Variants in IMMP2L observed in about 807,000 individuals in gnomAD.
The protein encoded by IMMP2L is inner mitochondrial membrane peptidase subunit 2, also known as mitochondrial inner membrane protease subunit 2.
A neutral mutation model predicts 19.3 loss-of-function variants in IMMP2L; 18 were observed. The ratio of observed to expected loss-of-function variants is 0.93; its 90% CI spans 0.64 to 1.38. The LOEUF is 1.38. Among genes scored for constraint, IMMP2L ranks in the 40% most tolerant of loss-of-function variants. IMMP2L has a pLI of 0.00. For missense variants in IMMP2L, 233 were observed against 218.2 expected (o/e 1.07, Z -0.43); for synonymous variants, 76 against 73.0 (o/e 1.04, Z -0.21).
chr7:111,221,455 T>C (rs1477847526), intron 3 of IMMP2L, among the ~76,000 whole-genome samples: 1 of 151,764 alleles, frequency 6.6e-6, no homozygotes, highest in African/African-American at 2.4e-5. Flanking sequence ...AAACAAAAAC[T>C]ACAGACTTCC....
chr7:111,221,218 C>T (rs949370437), intron 3 of IMMP2L, among the ~76,000 whole-genome samples: 2 of 151,934 alleles, frequency 1.3e-5, no homozygotes, highest in African/African-American at 4.8e-5. Context: ...ATTTTAGTCA[C>T]ATTACCATTA....
At chr7:110,805,067 T>C (rs1206756536) in intron 5 of IMMP2L, among the ~76,000 whole-genome samples, 1 of 152,136 alleles carries the variant, frequency 6.6e-6, no homozygotes, top group Non-Finnish European at 1.5e-5. Context: ...TTACCATAGA[T>C]GCTACATTGA....
chr7:110,986,335 C>T (rs1057005932), intron 3 of IMMP2L, among the ~76,000 whole-genome samples: 2 of 152,156 alleles, frequency 1.3e-5, no homozygotes, highest in Admixed American at 6.6e-5. Context: ...GTGTTGTTCT[C>T]AGCTCTCGTG....
chr7:110,784,756 A>G (rs1799957040), intron 5 of IMMP2L, among the ~76,000 whole-genome samples: 2 of 151,828 alleles, frequency 1.3e-5, no homozygotes, highest in Admixed American at 1.3e-4. Context: ...CCCACCCTGG[A>G]GATGTTTATG....
chr7:111,508,186 GA>G (rs1271610769), intron 2 of IMMP2L, among the ~76,000 whole-genome samples: 9 of 150,856 alleles, frequency 6.0e-5, no homozygotes, highest in South Asian at 4.2e-4. Flanking sequence ...TAAAAAGAAA[GA>G]AAAAAATTCA....
At chr7:110,873,429 C>CAA (rs60827428) in intron 5 of IMMP2L, among the ~76,000 whole-genome samples, 856 of 28,902 alleles carry the variant, frequency 0.03, 93 homozygotes, top group African/African-American at 0.073. Flanking sequence ...GACTCTATCT[C>CAA]AAAAAAAAAA....
intron 3 of IMMP2L, among the ~76,000 whole-genome samples, chr7:111,093,409 T>C (rs1240891571): frequency 6.6e-6 from 1 of 152,188 alleles, no homozygotes; most frequent in Non-Finnish European, 1.5e-5. Flanking sequence ...CCTAAGTTCC[T>C]AACCAAGAGG....
intron 3 of IMMP2L, among the ~76,000 whole-genome samples, chr7:111,272,766 C>G (rs189032885): frequency 1.3e-5 from 2 of 152,158 alleles, no homozygotes; most frequent in Non-Finnish European, 2.9e-5. Context: ...TTTCTTTGGG[C>G]CCACACACCT....
At chr7:110,862,256 C>T (rs1179492012) in intron 5 of IMMP2L, among the ~76,000 whole-genome samples, 2 of 150,516 alleles carry the variant, frequency 1.3e-5, no homozygotes, top group Non-Finnish European at 3.0e-5. Flanking sequence ...AGAAATGGGG[C>T]TGTGTTTTAT....
intron 4 of IMMP2L, among the ~76,000 whole-genome samples, chr7:110,946,449 T>A (rs59490815): frequency 0.03 from 4,530 of 152,242 alleles, 107 homozygotes; most frequent in South Asian, 0.059. Context: ...TAAAACCCAA[T>A]AGATTAATAT....
At chr7:111,186,367 C>T (rs986865660) in intron 3 of IMMP2L, among the ~76,000 whole-genome samples, 2 of 152,092 alleles carry the variant, frequency 1.3e-5, no homozygotes, top group African/African-American at 2.4e-5. Context: ...CTCTTTTCTG[C>T]CTAATATATG....
At chr7:110,827,574 G>A (rs972707007) in intron 5 of IMMP2L, among the ~76,000 whole-genome samples, 3 of 152,168 alleles carry the variant, frequency 2.0e-5, no homozygotes, top group Non-Finnish European at 4.4e-5. Flanking sequence ...GACCTATAGC[G>A]TTGTGTGACA....
chr7:110,849,858 T>G (rs1806021518), intron 5 of IMMP2L, among the ~76,000 whole-genome samples: 1 of 152,128 alleles, frequency 6.6e-6, no homozygotes, highest in Non-Finnish European at 1.5e-5. Context: ...AAGATCATTC[T>G]CATAGAATTA....
At chr7:111,080,541 T>C (rs1466177208) in intron 3 of IMMP2L, among the ~76,000 whole-genome samples, 1 of 151,900 alleles carries the variant, frequency 6.6e-6, no homozygotes, top group Non-Finnish European at 1.5e-5. Flanking sequence ...CATATGTGTG[T>C]ATGTATACAC....
At chr7:111,037,611 G>A (rs1791475774) in intron 3 of IMMP2L, among the ~76,000 whole-genome samples, 1 of 152,080 alleles carries the variant, frequency 6.6e-6, no homozygotes, top group Admixed American at 6.6e-5. Flanking sequence ...ACTGTGAAAT[G>A]ACATTCACAA....
intron 3 of IMMP2L, among the ~76,000 whole-genome samples, chr7:111,447,649 C>A (rs1315882037): frequency 6.6e-6 from 1 of 151,756 alleles, no homozygotes; most frequent in Non-Finnish European, 1.5e-5. Context: ...ACTGCATCAA[C>A]TAAGGAACGA....
chr7:110,758,815 G>C lies in IMMP2L; in HGVS notation c.409-95094C>G, dbSNP rs953209186. On this transcript the variant is annotated intron_variant, in intron 5 of 5. Coordinates refer to ENST00000405709, the MANE Select transcript of IMMP2L (RefSeq NM_032549.4). The surrounding 1 kb of genome is among the most constrained non-coding windows in gnomAD (Gnocchi z 4.6). ...TAACTACTGGTCATTGCAGTGCCTG[G>C]AAAATTAATGAGTTATATAAGTAAA... is the stretch of plus-strand genomic sequence containing the variant. Among the ~76,000 whole-genome samples the C allele has an allele frequency of 1.3e-5, 2 of 151,956 alleles. No homozygotes were observed. Among genetic ancestry groups the C allele is most frequent in the African/African-American group, 4.8e-5 (2 of 41,380 alleles).
rs1406863287 is a variant in IMMP2L at position 111,103,992 on chromosome 7, A to G, written c.240-140427T>C. On this transcript the variant is annotated intron_variant, in intron 3 of 5. Transcript: ENST00000405709. ...CAAGAAATTTTAGGGTTAAATGTGGAACAAAATGGGAACACTGAAAAGTGG... is the reference window on the plus strand; with the variant it reads ...CAAGAAATTTTAGGGTTAAATGTGGGACAAAATGGGAACACTGAAAAGTGG... Among the ~76,000 whole-genome samples, 5 of 151,656 alleles carry G rather than the reference A, an allele frequency of 3.3e-5. No homozygotes were observed. In the Admixed American group the frequency reaches 3.3e-4, roughly 10 times the overall value.
At chr7:110,984,998 GA>G (rs1159288411) in intron 3 of IMMP2L, among the ~76,000 whole-genome samples, 5 of 151,614 alleles carry the variant, frequency 3.3e-5, no homozygotes, top group Non-Finnish European at 5.9e-5. Context: ...AGAGGTGGCA[GA>G]AAAAAAAGAG....
Sources: allele counts gnomAD v4.1 joint callset (sites outside exome capture counted in the v4.1 genomes callset), GRCh38; gene constraint gnomAD v4.1.1; non-coding constraint Gnocchi (gnomAD v3.1); transcripts MANE v1.5; gene names NCBI Gene and HGNC (gene_info 2026-07-23, HGNC 2026-07-21).